The following MACROD2 variants were observed in gnomAD, a reference collection of about 807,000 sequenced individuals.
MACROD2 encodes the protein mono-ADP ribosylhydrolase 2, also known as ADP-ribose glycohydrolase MACROD2.
A neutral mutation model predicts 70.4 loss-of-function variants in MACROD2; 36 were observed. The observed-to-expected ratio is 0.51, with a 90% CI of 0.39 to 0.68. The LOEUF (loss-of-function observed/expected upper bound fraction) is 0.68, where lower values mean the gene tolerates loss of function less well. Ranked by LOEUF, MACROD2 falls within the 30% of genes least tolerant of loss-of-function variation. The pLI, the probability that MACROD2 is intolerant of heterozygous loss-of-function variation, is 0.00. For synonymous variants in MACROD2, 172 were observed against 178.8 expected, an observed-to-expected ratio of 0.96 and a Z score of 0.30; for missense variants, 496 against 538.4, an observed-to-expected ratio of 0.92 and a Z score of 0.78.
intron 8 of MACROD2, among the ~76,000 whole-genome samples, chr20:15,835,410 A>G (rs1284416819): frequency 6.6e-6 from 1 of 152,110 alleles, no homozygotes; most frequent in African/African-American, 2.4e-5. Flanking sequence ...TAATATCAAT[A>G]TGAATAATGT....
chr20:15,241,566 A>G (rs191391621), intron 6 of MACROD2, among the ~76,000 whole-genome samples: 265 of 152,272 alleles, frequency 1.7e-3, no homozygotes, highest in South Asian at 0.017. Flanking sequence ...ACAAACAGAC[A>G]ACTATGTAAC....
intron 3 of MACROD2, chr20:14,128,121 G>A (rs752752084): frequency 2.1e-5 from 11 of 534,216 alleles, no homozygotes; most frequent in Non-Finnish European, 4.0e-5. Context: ...ACCAGAGAAG[G>A]TTGAAATCTT....
intron 11 of MACROD2, among the ~76,000 whole-genome samples, chr20:15,935,036 T>A (rs1014396719): frequency 1.3e-5 from 2 of 152,054 alleles, no homozygotes; most frequent in African/African-American, 2.4e-5. Flanking sequence ...TGTACATACA[T>A]GTACACACGC....
chr20:14,997,860 G>T (rs1205191590), intron 5 of MACROD2, among the ~76,000 whole-genome samples: 1 of 152,136 alleles, frequency 6.6e-6, no homozygotes, highest in African/African-American at 2.4e-5. Context: ...AGGGGTATTT[G>T]TGTCATCCTC....
Position 14,379,961 on chromosome 20 carries a change from C to G in MACROD2, c.272-113518C>G, listed in dbSNP as rs139677780. Among the ~76,000 whole-genome samples the G allele has an allele frequency of 6.7e-4, 102 of 152,114 alleles. No homozygotes were observed. In the East Asian group the frequency reaches 0.015, roughly 22 times the overall value. On this transcript the variant is annotated intron_variant, in intron 3 of 17. Transcript: ENST00000684519. ...TACTTTCAATTCCTTTGGATCTGTA[C>G]CTGGAAGTGGAATTGCTGGGTGATA... is the stretch of plus-strand genomic sequence containing the variant.
intron 5 of MACROD2, among the ~76,000 whole-genome samples, chr20:15,029,858 G>A (rs1020404477): frequency 2.0e-5 from 3 of 152,136 alleles, no homozygotes; most frequent in African/African-American, 7.2e-5. Context: ...ATGGGAGGCT[G>A]AGGTGAGCAG....
intron 5 of MACROD2, among the ~76,000 whole-genome samples, chr20:14,783,225 A>C (rs1164455128): frequency 6.6e-6 from 1 of 152,160 alleles, no homozygotes; most frequent in East Asian, 1.9e-4. Context: ...TATGAATACC[A>C]TAGAAGTAGC....
intron 6 of MACROD2, among the ~76,000 whole-genome samples, chr20:15,385,969 CTT>C (rs1023413355): frequency 3.3e-5 from 5 of 152,112 alleles, no homozygotes; most frequent in Admixed American, 3.3e-4. Flanking sequence ...GAGCTAAAAT[CTT>C]TGGTGGTTTT....
chr20:15,663,105 C>T (rs2049844736), intron 8 of MACROD2, among the ~76,000 whole-genome samples: 1 of 152,012 alleles, frequency 6.6e-6, no homozygotes, highest in Non-Finnish European at 1.5e-5. Flanking sequence ...CTGGTGAGCT[C>T]ATGTTCTCTT....
chr20:14,608,512 C>G (rs896434576), intron 4 of MACROD2, among the ~76,000 whole-genome samples: 3 of 152,140 alleles, frequency 2.0e-5, no homozygotes, highest in Non-Finnish European at 4.4e-5. Context: ...GCCAGGCTAA[C>G]AGATCTTTCT....
intron 8 of MACROD2, among the ~76,000 whole-genome samples, chr20:15,713,264 A>G (rs191983467): frequency 6.6e-6 from 1 of 152,314 alleles, no homozygotes; most frequent in East Asian, 1.9e-4. Context: ...ATTGCTATAC[A>G]AGATGCTCCG....
intron 4 of MACROD2, among the ~76,000 whole-genome samples, chr20:14,670,838 C>A (rs1395853896): frequency 1.3e-5 from 2 of 152,142 alleles, no homozygotes; most frequent in African/African-American, 4.8e-5. Context: ...GTGTAGTCAG[C>A]ACGCCCATGT....
rs1361927672 is a variant in MACROD2, at chr20:16,041,294, A to G, written c.1231+16A>G. The G allele has an allele frequency of 4.4e-6, 7 of 1,597,332 alleles. No individual in the cohort carries two copies. The highest frequency in any genetic ancestry group is 4.5e-5 in the East Asian group (2 of 44,590). On this transcript the variant is annotated intron_variant, in intron 16 of 17. Coordinates refer to ENST00000684519, the MANE Select transcript of MACROD2 (RefSeq NM_001351661.2). Reference sequence around the variant, plus strand: ...GGTCCTGATGGTAAGGTTCTGAGCTATTGGAGCCCATGGAAACTACAAATC... The same window carrying G: ...GGTCCTGATGGTAAGGTTCTGAGCTGTTGGAGCCCATGGAAACTACAAATC...
chr20:14,560,392 T>TA (rs1979352947), intron 4 of MACROD2, among the ~76,000 whole-genome samples: 1 of 150,974 alleles, frequency 6.6e-6, no homozygotes, highest in African/African-American at 2.4e-5. Flanking sequence ...AAAGATAGGA[T>TA]AAAAAACTGA....
At chr20:14,506,139 A>C (rs2084967383) in intron 4 of MACROD2, among the ~76,000 whole-genome samples, 2 of 152,156 alleles carry the variant, frequency 1.3e-5, no homozygotes, top group South Asian at 4.1e-4. Context: ...TTGTCAGTGA[A>C]AGTGATGATC....
At chr20:14,625,825 TG>T (rs1311100552) in intron 4 of MACROD2, among the ~76,000 whole-genome samples, 2 of 152,044 alleles carry the variant, frequency 1.3e-5, no homozygotes, top group East Asian at 3.9e-4. Context: ...GGGTTTTTTT[TG>T]TTGTTGTTGT....
rs556104652 is a variant in MACROD2, at chr20:15,852,088, G to A, written c.646-10657G>A. Among the ~76,000 whole-genome samples the A allele has an allele frequency of 7.9e-5, 12 of 152,302 alleles. No individual in the cohort carries two copies. The East Asian group carries it at 2.1e-3, about 27-fold the overall frequency. On this transcript the variant is annotated intron_variant, in intron 8 of 17. Transcript: ENST00000684519. The stretch of plus-strand genomic sequence containing the variant: ...GCAGGCCCTAAGCCTGTGTGTGTGT[G>A]CACGTGTCTGTTCCACACTAAACAT...
At chr20:14,918,791 A>G (rs754672833) in intron 5 of MACROD2, among the ~76,000 whole-genome samples, 2 of 152,148 alleles carry the variant, frequency 1.3e-5, no homozygotes, top group Non-Finnish European at 2.9e-5. Flanking sequence ...CAATTTGTCA[A>G]AATCTTTTTA....
At chr20:14,591,267 T>C (rs1981750022) in intron 4 of MACROD2, among the ~76,000 whole-genome samples, 1 of 152,184 alleles carries the variant, frequency 6.6e-6, no homozygotes, top group African/African-American at 2.4e-5. Context: ...TAATCCATTT[T>C]CTCCCTCATT....
Sources: gnomAD v4.1 joint callset for allele counts (sites outside exome capture counted in the v4.1 genomes callset) on GRCh38, gnomAD v4.1.1 for gene constraint, MANE v1.5 for transcripts, NCBI Gene and HGNC (gene_info 2026-07-23, HGNC 2026-07-21) for gene names.